Variants in HTR7 observed in about 807,000 individuals in gnomAD.
The protein encoded by HTR7 is 5-HT-7.
A neutral mutation model predicts 34.0 loss-of-function variants in HTR7; 16 were observed. The observed-to-expected ratio is 0.47, with a 90% confidence interval of 0.32 to 0.71. The LOEUF (loss-of-function observed/expected upper bound fraction) is 0.71, where lower values mean the gene tolerates loss of function less well. HTR7 is among the 30% of genes least tolerant of loss of function. The probability of loss-of-function intolerance (pLI) is 0.04; values close to 1 mark genes in which losing one functional copy is unlikely to be tolerated. For missense variants in HTR7, 504 were observed against 625.5 expected (o/e 0.81, Z 2.07); for synonymous variants, 265 against 260.2 (o/e 1.02, Z -0.18).
chr10:90,844,726 CAAAAAAAAAAAAAAA>C (rs71025328), intron 1 of HTR7, among the ~76,000 whole-genome samples: 13 of 39,504 alleles, frequency 3.3e-4, no homozygotes, highest in East Asian at 9.9e-4. Flanking sequence ...GACTCCGTCT[CAAAAAAAAAAAAAAA>C]AAAAAAAAAA....
chr10:90,770,847 T>A lies in HTR7; in HGVS notation c.540-21253A>T, dbSNP rs1159580521. On this transcript the variant is annotated intron_variant, in intron 1 of 3. Coordinates refer to ENST00000336152, the MANE Select transcript of HTR7 (RefSeq NM_019859.4). ...GGTGGGTTCCCAGTGAGGCCCCACC[T>A]TCGGGCCAGGGAGGGCCTGAAGACT... Among the ~76,000 whole-genome samples the A allele has an allele frequency of 2.0e-5, 3 of 152,162 alleles. No individual in the cohort carries two copies. The East Asian group carries it at 5.8e-4, about 29-fold the overall frequency.
At chr10:90,781,269 G>GTA (rs959618763) in intron 1 of HTR7, among the ~76,000 whole-genome samples, 11 of 152,078 alleles carry the variant, frequency 7.2e-5, no homozygotes, top group Admixed American at 3.3e-4. Context: ...TTTCTCCACA[G>GTA]TATATATATA....
At chr10:90,789,314 T>C (rs184962636) in intron 1 of HTR7, among the ~76,000 whole-genome samples, 1 of 152,320 alleles carries the variant, frequency 6.6e-6, no homozygotes, top group Admixed American at 6.5e-5. Context: ...CTACATGGTC[T>C]TCACAACTAG....
At chr10:90,807,340 G>A (rs923823719) in intron 1 of HTR7, among the ~76,000 whole-genome samples, 6 of 152,160 alleles carry the variant, frequency 3.9e-5, no homozygotes, top group Admixed American at 1.3e-4. Context: ...TCACTTGCAC[G>A]TACACACCCA....
At chr10:90,769,058 AT>A (rs1554853636) in intron 1 of HTR7, among the ~76,000 whole-genome samples, 1 of 152,178 alleles carries the variant, frequency 6.6e-6, no homozygotes, top group Non-Finnish European at 1.5e-5. Flanking sequence ...AAATCCTGCA[AT>A]TACTAAGGGT....
At chr10:90,799,119 G>A (rs1003492936) in intron 1 of HTR7, among the ~76,000 whole-genome samples, 3 of 152,032 alleles carry the variant, frequency 2.0e-5, no homozygotes, top group African/African-American at 7.2e-5. Context: ...TGATAAACTG[G>A]CTCATCTGAT....
intron 1 of HTR7, among the ~76,000 whole-genome samples, chr10:90,840,719 T>C (rs558999507): frequency 1.3e-5 from 2 of 152,304 alleles, no homozygotes; most frequent in South Asian, 4.1e-4. Context: ...TCAGCACAAT[T>C]GGTGTTAGCC....
chr10:90,799,154 AC>A (rs1396898545), intron 1 of HTR7, among the ~76,000 whole-genome samples: 1 of 152,136 alleles, frequency 6.6e-6, no homozygotes, highest in African/African-American at 2.4e-5. Context: ...CCAGGAACTA[AC>A]AGTGCAAGAA....
chr10:90,758,123 G>A (rs952842636), intron 1 of HTR7, among the ~76,000 whole-genome samples: 18 of 151,926 alleles, frequency 1.2e-4, no homozygotes, highest in African/African-American at 2.9e-4. Context: ...CAAGGAGGGC[G>A]GATCACGAGG....
At chr10:90,811,403 C>G (rs933199032) in intron 1 of HTR7, among the ~76,000 whole-genome samples, 1 of 150,976 alleles carries the variant, frequency 6.6e-6, no homozygotes, top group Non-Finnish European at 1.5e-5. Context: ...CTCCCCAGCT[C>G]CTTCATCTCT....
intron 1 of HTR7, among the ~76,000 whole-genome samples, chr10:90,770,714 G>A (rs1443962596): frequency 1.3e-5 from 2 of 152,252 alleles, no homozygotes; most frequent in Admixed American, 1.3e-4. Flanking sequence ...GGGAAGCCAA[G>A]GTGGGTGCTG....
rs139673861 is a variant in HTR7, at chr10:90,813,774, A to G, written c.539+43359T>C. Among the ~76,000 whole-genome samples, 683 of 152,232 alleles carry G rather than the reference A, an allele frequency of 4.5e-3. 3 individuals carry two copies. Among genetic ancestry groups the G allele is most frequent in the African/African-American group, 0.014 (591 of 41,542 alleles). ...CTCCATCTTCCCTTCTCCTTGCCAA[A>G]CCACATGTACAGTAAGGAAAAGACA... is the stretch of plus-strand genomic sequence containing the variant. On this transcript the variant is annotated intron_variant, in intron 1 of 3. Coordinates refer to ENST00000336152, the MANE Select transcript of HTR7 (RefSeq NM_019859.4).
At position 90,840,175 on chromosome 10, in the gene HTR7, T is replaced by TCA. The variant is rs1406405693; in HGVS notation, c.539+16957_539+16958insTG. On this transcript the variant is annotated intron_variant, in intron 1 of 3. Transcript: ENST00000336152. Reference sequence around the variant, plus strand: ...CTCTCCATCTGTTTCTCTCTCTCTCTCTCACACACACACACACACACACAC... The same window carrying TCA: ...CTCTCCATCTGTTTCTCTCTCTCTCTCACTCACACACACACACACACACACAC... Among the ~76,000 whole-genome samples the TCA allele has an allele frequency of 6.0e-4, 74 of 122,604 alleles. 1 individual carries two copies. The highest frequency in any genetic ancestry group is 2.0e-3 in the African/African-American group (68 of 33,468). The allele number at this position is 122,604 out of a possible 152,430, so 80.4% of individuals were successfully genotyped here. A position where few individuals can be genotyped will look rare whatever the true frequency, so the allele number is the denominator to read the frequency against.
In HTR7 at chr10:90,742,596, G is replaced by A. The variant is rs575020293; in HGVS notation, c.1394-68C>T. The A allele has an allele frequency of 1.8e-5, 20 of 1,128,290 alleles. No homozygotes were observed. In the South Asian group the frequency reaches 2.6e-4, roughly 15 times the overall value. 69.9% of individuals were successfully genotyped at this position (1,128,290 alleles called of 1,614,324 possible). A position where few individuals can be genotyped will look rare whatever the true frequency, so the allele number is the denominator to read the frequency against. On this transcript the variant is annotated intron_variant, in intron 3 of 3. Transcript: ENST00000336152. ...CTGTAAATGTGAGTTTTCATTTTGT[G>A]GTAGGTGGACTTAATTTTTACAGCA... is the stretch of plus-strand genomic sequence containing the variant.
intron 1 of HTR7, among the ~76,000 whole-genome samples, chr10:90,751,704 GT>G (rs1844741427): frequency 6.6e-6 from 1 of 152,150 alleles, no homozygotes; most frequent in Non-Finnish European, 1.5e-5. Flanking sequence ...GACAAAAAAG[GT>G]TGTATTTTAT....
chr10:90,835,433 G>A (rs1846239751), intron 1 of HTR7, among the ~76,000 whole-genome samples: 2 of 152,096 alleles, frequency 1.3e-5, no homozygotes, highest in Admixed American at 1.3e-4. Context: ...CTCCACTTAG[G>A]GAAGAAAAAA....
intron 1 of HTR7, among the ~76,000 whole-genome samples, chr10:90,804,927 A>T (rs970680567): frequency 6.6e-6 from 1 of 152,340 alleles, no homozygotes; most frequent in East Asian, 1.9e-4. Context: ...TGGGGAAAAC[A>T]TAAAAGTTGA....
chr10:90,845,360 T>C (rs1302824011), intron 1 of HTR7, among the ~76,000 whole-genome samples: 2 of 152,174 alleles, frequency 1.3e-5, no homozygotes, highest in African/African-American at 4.8e-5. Context: ...CCTCCTCATA[T>C]AGCAGGCAAT....
intron 1 of HTR7, among the ~76,000 whole-genome samples, chr10:90,763,588 G>C (rs1340197977): frequency 6.6e-6 from 1 of 152,036 alleles, no homozygotes; most frequent in Non-Finnish European, 1.5e-5. Context: ...CATGCATTAG[G>C]TATTTCTCCT....
Sources: gnomAD v4.1 joint callset for allele counts (sites outside exome capture counted in the v4.1 genomes callset) on GRCh38, gnomAD v4.1.1 for gene constraint, MANE v1.5 for transcripts, NCBI Gene and HGNC (gene_info 2026-07-23, HGNC 2026-07-21) for gene names.